OTOG: variants seen among roughly 807,000 people sequenced by gnomAD.
OTOG encodes otogelin.
In OTOG, 296 loss-of-function variants were observed where a neutral mutation model predicts 313.8. That is an observed-to-expected ratio of 0.94 (90% CI 0.86 to 1.04). OTOG has a LOEUF of 1.04. OTOG is among the 50% of genes least tolerant of loss of function. The pLI is 0.00. For missense variants in OTOG, 3,948 were observed against 3,840.1 expected (o/e 1.03, Z -0.74); for synonymous variants, 1,533 against 1,554.9 (o/e 0.99, Z 0.33).
At chr11:17,643,334 C>T (rs1445142534) in intron 53 of OTOG, 127 bp from the exon 54 acceptor site, 2 of 598,572 alleles carry the variant, frequency 3.3e-6, no homozygotes, top group Non-Finnish European at 5.1e-6. Context: ...GCCTATGCTC[C>T]TGCCCTGGGG....
rs4757548 is a variant in OTOG, at chr11:17,574,766, G to A, written c.2340G>A (p.Pro780=). The part of the protein sequence containing the change: ...ASKEYSPCVA[P]CGRTCQDLAS... Reference sequence around the variant, plus strand: ...AGGAGTATAGCCCCTGCGTGGCCCCGTGTGGACGTACCTGCCAGGACCTGG... The same window carrying A: ...AGGAGTATAGCCCCTGCGTGGCCCCATGTGGACGTACCTGCCAGGACCTGG... Residue 780 remains proline, a synonymous_variant, in exon 20 of 56, where the codon CCG becomes CCA. Coordinates refer to ENST00000399397, the MANE Select transcript of OTOG (RefSeq NM_001292063.2). The A allele has an allele frequency of 0.38, 596,630 of 1,550,218 alleles. 116,563 individuals carry two copies. Among genetic ancestry groups the A allele is most frequent in the Non-Finnish European group, 0.4 (463,521 of 1,146,808 alleles).
chr11:17,578,204 C>G, intron 22 of OTOG, 169 bp from the exon 23 acceptor site: 2 of 1,370,466 alleles, frequency 1.5e-6, no homozygotes, highest in Non-Finnish European at 1.9e-6. Context: ...ACACATCTAC[C>G]CCTCCCTCTG....
Position 17,610,896 on chromosome 11 carries a change from G to A in OTOG, c.5596G>A (p.Ala1866Thr), listed in dbSNP as rs1434362601. ...MTQAHPPTHI[A>T]PPAAGTAPGL... ...CCAGGCGCACCCACCCACTCACATA[G>A]CACCCCCAGCAGCAGGCACAGCTCC... The change falls in exon 36 of 56, where the codon GCA becomes ACA. Residue 1866 changes from alanine (A) to threonine (T), a missense_variant. Ala to Thr is a moderately conservative substitution (Grantham distance 58, BLOSUM62 0). Coordinates refer to ENST00000399397, the MANE Select transcript of OTOG (RefSeq NM_001292063.2). The A allele has an allele frequency of 6.4e-7, 1 of 1,550,524 alleles. No individual in the cohort carries two copies. The highest frequency in any genetic ancestry group is 2.0e-5 in the Admixed American group (1 of 50,996).
At chr11:17,566,916 C>T (rs1174121922) in intron 15 of OTOG, among the ~76,000 whole-genome samples, 7 of 152,190 alleles carry the variant, frequency 4.6e-5, no homozygotes, top group South Asian at 2.1e-4. Flanking sequence ...TCCCCTCCTA[C>T]GTGATTTTTA....
intron 3 of OTOG, among the ~76,000 whole-genome samples, chr11:17,551,108 A>T (rs531843230): frequency 6.6e-6 from 1 of 152,200 alleles, no homozygotes; most frequent in Non-Finnish European, 1.5e-5. Flanking sequence ...GAGGGCAGGG[A>T]CTCTGCCCTG....
chr11:17,638,663 G>A, intron 48 of OTOG, 114 bp downstream of exon 48: 1 of 1,489,406 alleles, frequency 6.7e-7, no homozygotes, highest in Admixed American at 2.0e-5. Flanking sequence ...GTCCCCTGCA[G>A]GGTCTCTAGA....
intron 2 of OTOG, 24 bp from the exon 3 acceptor site, chr11:17,548,128 A>C (rs1214540311): frequency 6.5e-7 from 1 of 1,543,530 alleles, no homozygotes; most frequent in East Asian, 2.5e-5. Flanking sequence ...CCCCCCATCC[A>C]TGCCAGACTC....
chr11:17,560,657 G>A, intron 12 of OTOG, 52 bp from the exon 13 acceptor site: 5 of 1,388,710 alleles, frequency 3.6e-6, no homozygotes, highest in Non-Finnish European at 5.0e-6. Context: ...GCCACGAATG[G>A]TTTGTGAACA....
At position 17,638,451 on chromosome 11, in the gene OTOG, T is replaced by A; in HGVS notation, c.7796T>A (p.Val2599Glu). The A allele has an allele frequency of 6.5e-7, 1 of 1,547,108 alleles. No homozygotes were observed. The highest frequency in any genetic ancestry group is 8.7e-7 in the Non-Finnish European group (1 of 1,146,358). Residue 2599 changes from valine (V) to glutamate (E), a missense_variant and splice_region_variant, in exon 48 of 56, where the codon GTG (valine) becomes GAG (glutamate). Physicochemically the swap from Val to Glu is moderately radical, Grantham distance 121. Transcript: ENST00000399397. ...TELCCPLYQC[V>E]CENFRCPQVQ... ...GTCAACTGCCTCTCCTTCCCCACAG[T>A]GTGTGAGAACTTCCGCTGTCCCCAA...
At position 17,547,420 on chromosome 11, in the gene OTOG, GCCCTGGGGTGAGCAGGCAGCCGAGT is replaced by G. The variant is rs1287258592; in HGVS notation, c.54_78del (p.Trp18CysfsTer194). On this transcript the variant is annotated frameshift_variant, in exon 1 of 56. Coordinates refer to ENST00000399397, the MANE Select transcript of OTOG (RefSeq NM_001292063.2). LOFTEE classifies it high-confidence loss of function. ...TCTGCTGGCTGCTTTGTGTCTGGCT[GCCCTGGGGTGAGCAGGCAGCCGAGT>G]CCCTGCGGGTGCAGCGCCTCGGTGA... The G allele has an allele frequency of 2.5e-5, 35 of 1,413,482 alleles. No individual in the cohort carries two copies. Among genetic ancestry groups the G allele is most frequent in the Non-Finnish European group, 2.9e-5 (32 of 1,088,206 alleles). 87.6% of individuals were successfully genotyped at this position (1,413,482 alleles called of 1,614,324 possible).
chr11:17,611,818 G>C (rs1016063481), intron 36 of OTOG, among the ~76,000 whole-genome samples: 1 of 150,026 alleles, frequency 6.7e-6, no homozygotes, highest in African/African-American at 2.5e-5. Context: ...GAGAAACTGT[G>C]TGTGTGTGTG....
chr11:17,560,171 A>G (rs1852152130), intron 12 of OTOG, among the ~76,000 whole-genome samples: 1 of 152,248 alleles, frequency 6.6e-6, no homozygotes, highest in African/African-American at 2.4e-5. Context: ...CAGTGTATAA[A>G]TTTGCAGCAC....
In OTOG at chr11:17,631,871, G is replaced by C; in HGVS notation, c.6882G>C (p.Ser2294=). Residue 2294 remains serine, a synonymous_variant, in exon 41 of 56, where the codon TCG becomes TCC. Transcript: ENST00000399397. ...RPDSCATTDC[S]PCLRMVSNRT... is the part of the protein sequence containing the mutation. ...ACAGCTGCGCCACAACTGACTGCTC[G>C]CCCTGCCTTCGCATGGTGTCCAACC... 6.4e-7 allele frequency: 1 copy of C among 1,550,502 alleles called. No individual in the cohort carries two copies. Among genetic ancestry groups the C allele is most frequent in the South Asian group, 1.2e-5 (1 of 84,066 alleles).
intron 53 of OTOG, 39 bp downstream of exon 53, chr11:17,642,285 G>A (rs1847993583): frequency 2.0e-6 from 3 of 1,520,830 alleles, no homozygotes; most frequent in South Asian, 2.5e-5. Context: ...TAGGCCAGGG[G>A]CATCAGCTGT....
rs1852096796 is a variant in OTOG at position 17,558,210 on chromosome 11, G to A, written c.891G>A (p.Glu297=). The A allele has an allele frequency of 3.9e-6, 6 of 1,550,530 alleles. No individual in the cohort carries two copies. The highest frequency in any genetic ancestry group is 2.0e-5 in the Admixed American group (1 of 51,000). ...SSGKLTDDVV[E]FVHSWQEQAP... is the part of the protein sequence containing the mutation. Reference sequence around the variant, plus strand: ...GGAAGCTGACTGACGACGTGGTTGAGTTTGTGCACAGCTGGCAGGAGCAGG... The same window carrying A: ...GGAAGCTGACTGACGACGTGGTTGAATTTGTGCACAGCTGGCAGGAGCAGG... The change falls in exon 9 of 56, where the codon GAG becomes GAA. Residue 297 remains glutamate, a synonymous_variant. Transcript: ENST00000399397.
chr11:17,641,422 A>G (rs1329241622), intron 51 of OTOG, among the ~76,000 whole-genome samples: 1 of 152,168 alleles, frequency 6.6e-6, no homozygotes, highest in African/African-American at 2.4e-5. Flanking sequence ...GCACTTCTTC[A>G]TGCCTAGTAC....
intron 43 of OTOG, 88 bp from the exon 44 acceptor site, chr11:17,633,981 G>A: frequency 6.7e-7 from 1 of 1,486,236 alleles, no homozygotes; most frequent in Admixed American, 2.0e-5. Flanking sequence ...TCTGCTTAGG[G>A]GTGGCCAGTA....
At chr11:17,577,316 A>T (rs1347178913) in intron 22 of OTOG, among the ~76,000 whole-genome samples, 1 of 152,130 alleles carries the variant, frequency 6.6e-6, no homozygotes, top group Non-Finnish European at 1.5e-5. Flanking sequence ...GGTAGGCAGG[A>T]CAGCCTGGGC....
chr11:17,606,816 C>T (rs933174836), intron 33 of OTOG, among the ~76,000 whole-genome samples: 1 of 152,232 alleles, frequency 6.6e-6, no homozygotes, highest in African/African-American at 2.4e-5. Context: ...CTCCTTATTT[C>T]ATCACCCACC....
Sources: allele counts gnomAD v4.1 joint callset (sites outside exome capture counted in the v4.1 genomes callset), GRCh38; gene constraint gnomAD v4.1.1; transcripts MANE v1.5; gene names NCBI Gene and HGNC (gene_info 2026-07-23, HGNC 2026-07-21).